Variants in ST8SIA1 observed in about 807,000 individuals in gnomAD.
ST8SIA1 encodes the protein ST8 alpha-N-acetyl-neuraminide alpha-2,8-sialyltransferase 1, also known as alpha-N-acetylneuraminide alpha-2,8-sialyltransferase.
ST8SIA1 carries 16 observed loss-of-function variants against 35.9 expected under a neutral mutation model. The ratio of observed to expected loss-of-function variants is 0.45; its 90% CI spans 0.30 to 0.68. The LOEUF is 0.68. Among genes scored for constraint, ST8SIA1 ranks in the 30% least tolerant of loss-of-function variants. The pLI, the probability that ST8SIA1 is intolerant of heterozygous loss-of-function variation, is 0.09. For synonymous variants in ST8SIA1, 170 were observed against 169.6 expected (o/e 1.00, Z -0.02); for missense variants, 383 against 453.6 (o/e 0.84, Z 1.41).
At chr12:22,246,895 A>G (rs1865610366) in intron 4 of ST8SIA1, among the ~76,000 whole-genome samples, 1 of 152,200 alleles carries the variant, frequency 6.6e-6, no homozygotes, top group South Asian at 2.1e-4. Flanking sequence ...GCACACAGCA[A>G]TGTCAACTAA....
At chr12:22,318,329 C>G (rs139740793) in intron 1 of ST8SIA1, among the ~76,000 whole-genome samples, 1 of 152,174 alleles carries the variant, frequency 6.6e-6, no homozygotes, top group Non-Finnish European at 1.5e-5. Context: ...AGTCTCCACA[C>G]GATTCATTGC....
chr12:22,238,887 G>T (rs2120719454), intron 4 of ST8SIA1, among the ~76,000 whole-genome samples: 1 of 152,112 alleles, frequency 6.6e-6, no homozygotes, highest in African/African-American at 2.4e-5. Flanking sequence ...ATATTCTTCA[G>T]ATTTTCTCTC....
At chr12:22,314,375 T>TCATGGTGA (rs150962915) in intron 1 of ST8SIA1, among the ~76,000 whole-genome samples, 3,576 of 152,188 alleles carry the variant, frequency 0.023, 155 homozygotes, top group African/African-American at 0.081. Flanking sequence ...ACGTATGCCA[T>TCATGGTGA]CATGGTGATA....
At position 22,273,566 on chromosome 12, in the gene ST8SIA1, T is replaced by C. The variant is rs555305634; in HGVS notation, c.381+13583A>G. ...TGGTCATGAGACAAGAACCCAGACC[T>C]AGCTGAGCTAACGAGCAAAAAAATC... On this transcript the variant is annotated intron_variant, in intron 2 of 4. Coordinates refer to ENST00000396037, the MANE Select transcript of ST8SIA1 (RefSeq NM_003034.4). 2.6e-5 allele frequency among the ~76,000 whole-genome samples: 4 copies of C among 152,314 alleles called. 1 individual carries two copies. The highest frequency in any genetic ancestry group is 7.2e-5 in the African/African-American group (3 of 41,572).
intron 1 of ST8SIA1, among the ~76,000 whole-genome samples, chr12:22,304,878 T>C (rs762208802): frequency 6.6e-6 from 1 of 152,238 alleles, no homozygotes; most frequent in Non-Finnish European, 1.5e-5. Flanking sequence ...TAGATTTGTA[T>C]AATTTTGTGC....
intron 2 of ST8SIA1, among the ~76,000 whole-genome samples, chr12:22,282,525 T>C (rs910151912): frequency 1.4e-4 from 22 of 152,210 alleles, no homozygotes; most frequent in African/African-American, 4.1e-4. Context: ...TCCTTCTTTT[T>C]GCTGGGATCC....
chr12:22,302,058 T>A (rs1866325225), intron 1 of ST8SIA1, among the ~76,000 whole-genome samples: 1 of 152,200 alleles, frequency 6.6e-6, no homozygotes, highest in Non-Finnish European at 1.5e-5. Flanking sequence ...TGATTTGTCT[T>A]TAGTAAAAAT....
intron 2 of ST8SIA1, among the ~76,000 whole-genome samples, chr12:22,279,421 C>G (rs1479835132): frequency 6.6e-6 from 1 of 152,168 alleles, no homozygotes; most frequent in East Asian, 1.9e-4. Context: ...GGCCCCAGTG[C>G]TAGGATGCTC....
intron 2 of ST8SIA1, among the ~76,000 whole-genome samples, chr12:22,257,764 G>T (rs1358193775): frequency 2.6e-5 from 4 of 152,030 alleles, no homozygotes; most frequent in Admixed American, 1.3e-4. Flanking sequence ...TAGACTATTA[G>T]GGAGGTTGGG....
Position 22,205,702 on chromosome 12 carries a change from G to A in ST8SIA1, c.585-3664C>T, listed in dbSNP as rs1209947287. On this transcript the variant is annotated intron_variant, in intron 4 of 4. Transcript: ENST00000396037. Reference sequence around the variant, plus strand: ...GGCAGCTGAGGTGGGAGGATCACTTGAGGCCAGGAGTTCGAGACCAGCCTG... The same window carrying A: ...GGCAGCTGAGGTGGGAGGATCACTTAAGGCCAGGAGTTCGAGACCAGCCTG... 4.6e-5 allele frequency among the ~76,000 whole-genome samples: 7 copies of A among 152,134 alleles called. No homozygotes were observed. The East Asian group carries it at 1.4e-3, about 29-fold the overall frequency.
chr12:22,293,884 A>G (rs936280385), intron 1 of ST8SIA1, among the ~76,000 whole-genome samples: 5 of 152,226 alleles, frequency 3.3e-5, no homozygotes, highest in African/African-American at 1.2e-4. Context: ...CTTTAAGTGA[A>G]GAACCTAGTA....
intron 4 of ST8SIA1, among the ~76,000 whole-genome samples, chr12:22,208,889 T>G (rs867788128): frequency 2.0e-5 from 3 of 152,290 alleles, no homozygotes; most frequent in Non-Finnish European, 1.5e-5. Flanking sequence ...AATCTACTAT[T>G]CCATACATTG....
At chr12:22,255,427 A>G in intron 2 of ST8SIA1, 38 bp from the exon 3 acceptor site, 1 of 1,521,818 alleles carries the variant, frequency 6.6e-7, no homozygotes, top group Non-Finnish European at 9.1e-7. Flanking sequence ...CACTGCAAAG[A>G]ACACACAACC....
At chr12:22,294,867 C>T (rs980899020) in intron 1 of ST8SIA1, among the ~76,000 whole-genome samples, 58 of 152,164 alleles carry the variant, frequency 3.8e-4, no homozygotes, top group Admixed American at 9.8e-4. Context: ...TACTTATTTT[C>T]AGTCTTCCTA....
Position 22,334,324 on chromosome 12 carries a change from T to C in ST8SIA1, c.-92A>G, listed in dbSNP as rs1003206357. On this transcript the variant is annotated 5_prime_UTR_variant, in exon 1 of 5. The change abolishes an upstream ATG in the 5' untranslated region. Transcript: ENST00000396037. Reference sequence around the variant, plus strand: ...AGGGTCCCCCACCGCCAGCCCCCCATGCACACACACCTTTGGTTCTCTTAC... The same window carrying C: ...AGGGTCCCCCACCGCCAGCCCCCCACGCACACACACCTTTGGTTCTCTTAC... 2.3e-5 allele frequency: 22 copies of C among 939,436 alleles called. No individual in the cohort carries two copies. The highest frequency in any genetic ancestry group is 5.0e-5 in the African/African-American group (3 of 60,480). The allele number at this position is 939,436 out of a possible 1,614,324, so 58.2% of individuals were successfully genotyped here.
chr12:22,236,709 A>T (rs1407377594), intron 4 of ST8SIA1, among the ~76,000 whole-genome samples: 1 of 152,166 alleles, frequency 6.6e-6, no homozygotes, highest in Non-Finnish European at 1.5e-5. Flanking sequence ...GGCTATTCAA[A>T]TATTTATTTA....
chr12:22,333,711 T>A, intron 1 of ST8SIA1: 2 of 579,466 alleles, frequency 3.5e-6, no homozygotes, highest in East Asian at 6.2e-5. Context: ...CTCTGTTTTG[T>A]TTATCCGTAA....
intron 1 of ST8SIA1, among the ~76,000 whole-genome samples, chr12:22,313,836 C>T (rs575194349): frequency 1.3e-5 from 2 of 152,332 alleles, no homozygotes; most frequent in East Asian, 1.9e-4. Context: ...AGATACCTGA[C>T]ACCAGCAGAT....
intron 4 of ST8SIA1, among the ~76,000 whole-genome samples, chr12:22,209,501 G>C (rs1287899042): frequency 6.6e-6 from 1 of 152,172 alleles, no homozygotes; most frequent in Non-Finnish European, 1.5e-5. Flanking sequence ...TAATAACAAA[G>C]AAATCTGTGA....
Sources: allele counts gnomAD v4.1 joint callset (sites outside exome capture counted in the v4.1 genomes callset), GRCh38; gene constraint gnomAD v4.1.1; transcripts MANE v1.5; gene names NCBI Gene and HGNC (gene_info 2026-07-23, HGNC 2026-07-21).